The following HEATR5B variants were observed in gnomAD, a reference collection of about 807,000 sequenced individuals.
HEATR5B encodes the protein HEAT repeat containing 5B.
HEATR5B carries 156 observed loss-of-function variants against 224.1 expected under a neutral mutation model. The ratio of observed to expected loss-of-function variants is 0.70; its 90% CI spans 0.61 to 0.80. HEATR5B has a LOEUF of 0.80. HEATR5B is among the 30% of genes least tolerant of loss of function. The pLI, the probability that HEATR5B is intolerant of heterozygous loss-of-function variation, is 0.00. For missense variants in HEATR5B, 2,323 were observed against 2,535.5 expected (o/e 0.92, Z 1.80); for synonymous variants, 1,027 against 893.0 (o/e 1.15, Z -2.68).
intron 29 of HEATR5B, among the ~76,000 whole-genome samples, chr2:37,006,692 T>C (rs189849102): frequency 9.0e-4 from 137 of 152,300 alleles, no homozygotes; most frequent in African/African-American, 3.1e-3. Flanking sequence ...AAAGCAATTT[T>C]ACATTAGGAT....
chr2:37,060,515 T>C (rs1308070220), intron 12 of HEATR5B, 66 bp downstream of exon 12: 1 of 1,342,554 alleles, frequency 7.4e-7, no homozygotes, highest in African/African-American at 1.5e-5. Flanking sequence ...TAGTGATTTT[T>C]CTTTTACTTT....
chr2:37,055,299 T>A (rs1380837601), intron 16 of HEATR5B, among the ~76,000 whole-genome samples: 1 of 152,036 alleles, frequency 6.6e-6, no homozygotes, highest in Non-Finnish European at 1.5e-5. Flanking sequence ...TATGTTTATA[T>A]TTTTAATAGA....
chr2:37,044,882 TCAA>T (rs1368086424), intron 18 of HEATR5B, among the ~76,000 whole-genome samples: 1 of 152,208 alleles, frequency 6.6e-6, no homozygotes, highest in African/African-American at 2.4e-5. Flanking sequence ...TTCTATGTCT[TCAA>T]CATCACTGGA....
intron 33 of HEATR5B, among the ~76,000 whole-genome samples, chr2:36,996,869 G>T (rs1045135361): frequency 6.6e-6 from 1 of 152,134 alleles, no homozygotes; most frequent in African/African-American, 2.4e-5. Flanking sequence ...TGGGATTACA[G>T]GAGTGAGCCA....
At chr2:37,001,366 T>C (rs906700272) in intron 32 of HEATR5B, among the ~76,000 whole-genome samples, 38 of 152,086 alleles carry the variant, frequency 2.5e-4, no homozygotes, top group Non-Finnish European at 1.0e-4. Flanking sequence ...CCTTCACCAC[T>C]CTGACCTGCA....
intron 5 of HEATR5B, among the ~76,000 whole-genome samples, chr2:37,074,061 C>A (rs1304116041): frequency 6.6e-6 from 1 of 152,068 alleles, no homozygotes; most frequent in Admixed American, 6.6e-5. Flanking sequence ...GTGGCTCACG[C>A]CTGTAATCCC....
intron 27 of HEATR5B, among the ~76,000 whole-genome samples, chr2:37,009,893 T>C (rs917351135): frequency 6.6e-6 from 1 of 151,290 alleles, no homozygotes; most frequent in African/African-American, 2.4e-5. Context: ...AAAAGAGACA[T>C]CAGAAAGGAT....
chr2:37,014,918 A>G (rs1442625628), intron 26 of HEATR5B, among the ~76,000 whole-genome samples: 1 of 151,972 alleles, frequency 6.6e-6, no homozygotes, highest in East Asian at 1.9e-4. Flanking sequence ...CAGAGGTTGC[A>G]GTGAGCCGAG....
intron 21 of HEATR5B, among the ~76,000 whole-genome samples, chr2:37,035,193 A>G (rs1669400314): frequency 2.0e-5 from 3 of 152,240 alleles, no homozygotes; most frequent in Admixed American, 2.0e-4. Flanking sequence ...ACCACTTTAC[A>G]AAGTGTTTTC....
intron 16 of HEATR5B, among the ~76,000 whole-genome samples, chr2:37,054,047 A>G (rs116161528): frequency 0.011 from 1,627 of 152,022 alleles, 27 homozygotes; most frequent in African/African-American, 0.037. Context: ...TAGCCTCAGA[A>G]GCTTTTGGGA....
intron 19 of HEATR5B, 41 bp downstream of exon 19, chr2:37,041,092 T>C: frequency 6.5e-7 from 1 of 1,546,794 alleles, no homozygotes; most frequent in Non-Finnish European, 8.8e-7. Flanking sequence ...TTCCAAAAAA[T>C]TTTCTAAACT....
chr2:37,015,351 A>G (rs966440493), intron 26 of HEATR5B, among the ~76,000 whole-genome samples: 2 of 152,244 alleles, frequency 1.3e-5, no homozygotes, highest in African/African-American at 4.8e-5. Flanking sequence ...AAACTGTTCC[A>G]GTACTTCTGT....
intron 4 of HEATR5B, chr2:37,076,235 A>T (rs1672224530): frequency 1.3e-5 from 2 of 152,326 alleles, no homozygotes; most frequent in South Asian, 4.1e-4. Context: ...TGTATGTTTA[A>T]TGCCTGACAA....
At position 37,005,756 on chromosome 2, in the gene HEATR5B, A is replaced by C. The variant is rs780627409; in HGVS notation, c.4781T>G (p.Val1594Gly). Reference protein sequence around the residue: ...NKDRMHLILGVSIQFLCSPRP... With the variant: ...NKDRMHLILGGSIQFLCSPRP... The stretch of plus-strand genomic sequence containing the variant: ...AGGGGAACAAAGAAACTGTATACTC[A>C]CACCTGAAATGCACAAAATAAAAAC... Residue 1594 changes from valine to glycine, a missense_variant, in exon 30 of 36, where the codon GTG becomes GGG. Physicochemically the swap from Val to Gly is moderately radical, Grantham distance 109 (BLOSUM62 -3). Transcript: ENST00000233099. 12 of 1,577,236 alleles carry C rather than the reference A, an allele frequency of 7.6e-6. No individual in the cohort carries two copies. The African/African-American group carries it at 1.4e-4, about 18-fold the overall frequency.
chr2:37,041,106 G>T, intron 19 of HEATR5B, 27 bp downstream of exon 19: 1 of 1,574,232 alleles, frequency 6.4e-7, no homozygotes, highest in Non-Finnish European at 8.6e-7. Flanking sequence ...CTAAACTTTT[G>T]TAATAAAAAA....
At chr2:37,009,673 C>T (rs927491311) in intron 27 of HEATR5B, among the ~76,000 whole-genome samples, 1 of 151,942 alleles carries the variant, frequency 6.6e-6, no homozygotes, top group African/African-American at 2.4e-5. Flanking sequence ...TCTAAAAAAA[C>T]TGATCTGACT....
At chr2:37,037,389 C>G (rs1189227592) in intron 21 of HEATR5B, among the ~76,000 whole-genome samples, 2 of 151,708 alleles carry the variant, frequency 1.3e-5, no homozygotes, top group Non-Finnish European at 2.9e-5. Flanking sequence ...ATGATCTGCC[C>G]ACCTTAGCCT....
chr2:37,012,904 A>T (rs1200627105), intron 27 of HEATR5B, among the ~76,000 whole-genome samples: 2 of 152,150 alleles, frequency 1.3e-5, no homozygotes, highest in East Asian at 1.9e-4. Context: ...GTGTTCCAAA[A>T]CACTTTGTAA....
chr2:37,064,714 T>G lies in HEATR5B; in HGVS notation c.1584+26A>C, dbSNP rs1208738541. On this transcript the variant is annotated intron_variant, in intron 10 of 35. Transcript: ENST00000233099. ...AAGACCAAAGCCCACGTGACAGCAT[T>G]CCCAAGTCTAGGATCTCCGTCATAC... 1.9e-6 allele frequency: 3 copies of G among 1,610,556 alleles called. No homozygotes were observed. The Admixed American group carries it at 5.0e-5, about 27-fold the overall frequency.
Sources: allele counts gnomAD v4.1 joint callset (sites outside exome capture counted in the v4.1 genomes callset), GRCh38; gene constraint gnomAD v4.1.1; transcripts MANE v1.5; gene names NCBI Gene and HGNC (gene_info 2026-07-23, HGNC 2026-07-21).